The following NHSL1 variants were observed in gnomAD, a reference collection of about 807,000 sequenced individuals.
The protein encoded by NHSL1 is NHS-like protein 1.
In NHSL1, 48 loss-of-function variants were observed where a neutral mutation model predicts 95.0. That is an observed-to-expected ratio of 0.51 (90% confidence interval 0.40 to 0.64). NHSL1 has a LOEUF of 0.64. Ranked by LOEUF, NHSL1 falls within the 30% of genes least tolerant of loss-of-function variation. The probability of loss-of-function intolerance (pLI) is 0.00; values close to 1 mark genes in which losing one functional copy is unlikely to be tolerated. For missense variants in NHSL1, 1,971 were observed against 2,077.7 expected (o/e 0.95, Z 1.00); for synonymous variants, 783 against 833.9 (o/e 0.94, Z 1.05).
chr6:138,581,163 G>A lies in NHSL1; in HGVS notation c.97-84792C>T, dbSNP rs148903344. On this transcript the variant is annotated intron_variant, in intron 1 of 3. Coordinates refer to the NHSL1 transcript ENST00000491526. ...GTTTGTGGTGGTTTTTAGAGCAGCC[G>A]TAGGAAACTGATGCAGTGGAGTACC... Among the ~76,000 whole-genome samples the A allele has an allele frequency of 7.4e-4, 113 of 152,302 alleles. No homozygotes were observed. The East Asian group carries it at 0.015, about 20-fold the overall frequency.
chr6:138,428,245 G>A (rs1775392223), intron 7 of NHSL1, among the ~76,000 whole-genome samples: 1 of 152,134 alleles, frequency 6.6e-6, no homozygotes, highest in South Asian at 2.1e-4. Context: ...GCAACCCAGT[G>A]CATTCCATAC....
chr6:138,587,714 G>A (rs1159786154), intron 1 of NHSL1, among the ~76,000 whole-genome samples: 1 of 152,182 alleles, frequency 6.6e-6, no homozygotes, highest in Middle Eastern at 3.2e-3. Flanking sequence ...ATTTTAAAAT[G>A]TTTAAATGCA....
intron 1 of NHSL1, among the ~76,000 whole-genome samples, chr6:138,678,123 T>C (rs1469204903): frequency 1.3e-5 from 2 of 152,170 alleles, no homozygotes; most frequent in African/African-American, 4.8e-5. Context: ...AAATGCAGGC[T>C]TGAGGTGGCA....
intron 1 of NHSL1, among the ~76,000 whole-genome samples, chr6:138,685,438 T>C (rs1489352092): frequency 6.6e-6 from 1 of 152,146 alleles, no homozygotes; most frequent in Admixed American, 6.6e-5. Context: ...GCTATGAATG[T>C]ATTGTGGGCA....
intron 1 of NHSL1, among the ~76,000 whole-genome samples, chr6:138,557,356 G>A (rs1223520975): frequency 6.6e-6 from 1 of 152,032 alleles, no homozygotes; most frequent in East Asian, 1.9e-4. Flanking sequence ...TGTGGCTCGG[G>A]ATCTCATGCA....
intron 1 of NHSL1, among the ~76,000 whole-genome samples, chr6:138,666,253 A>G (rs759071026): frequency 2.0e-5 from 3 of 152,082 alleles, no homozygotes; most frequent in Non-Finnish European, 2.9e-5. Context: ...CAGTGAGCCA[A>G]GATTGTGCCA....
At chr6:138,447,284 T>A (rs1432683318) in intron 3 of NHSL1, 91 bp from the exon 4 acceptor site, 8 of 1,145,102 alleles carry the variant, frequency 7.0e-6, no homozygotes, top group Non-Finnish European at 9.7e-6. Flanking sequence ...AAAATTGGAC[T>A]GGTTTAAAAG....
At chr6:138,692,913 C>A (rs1170743284), upstream of NHSL1, among the ~76,000 whole-genome samples, 3 of 150,364 alleles carry the variant, frequency 2.0e-5, no homozygotes, top group African/African-American at 4.9e-5. The surrounding 1 kb of genome is among the most constrained non-coding windows in gnomAD (Gnocchi z 4.0). Flanking sequence ...AGAGGCCGGG[C>A]GGGCAGGAAG....
intron 1 of NHSL1, among the ~76,000 whole-genome samples, chr6:138,623,668 G>GTC (rs779908995): frequency 1.3e-5 from 2 of 152,066 alleles, no homozygotes; most frequent in Admixed American, 6.6e-5. Context: ...CATCTCCTCA[G>GTC]TCTCTCTCTT....
intron 1 of NHSL1, among the ~76,000 whole-genome samples, chr6:138,570,669 A>G (rs967394426): frequency 1.3e-5 from 2 of 152,268 alleles, no homozygotes; most frequent in African/African-American, 4.8e-5. Flanking sequence ...CCTGTGCGAC[A>G]TAATTACTAT....
chr6:138,585,850 C>T (rs113227144), intron 1 of NHSL1, among the ~76,000 whole-genome samples: 2 of 147,716 alleles, frequency 1.4e-5, no homozygotes, highest in Non-Finnish European at 3.0e-5. Flanking sequence ...AGCTCAAGAC[C>T]AGGGAAACAC....
chr6:138,678,926 T>C lies in NHSL1; in HGVS notation c.96+13550A>G, dbSNP rs534112899. 2.6e-5 allele frequency among the ~76,000 whole-genome samples: 4 copies of C among 152,320 alleles called. No individual in the cohort carries two copies. The South Asian group carries it at 8.3e-4, about 32-fold the overall frequency. Reference sequence around the variant, plus strand: ...ATTATGTGAAAAGTACTAACGGCACTCAAAGACATTTTTCCCACTTCATTT... The same window carrying C: ...ATTATGTGAAAAGTACTAACGGCACCCAAAGACATTTTTCCCACTTCATTT... On this transcript the variant is annotated intron_variant, in intron 1 of 3. Transcript: ENST00000491526.
At chr6:138,462,791 T>G (rs1005882705) in intron 3 of NHSL1, among the ~76,000 whole-genome samples, 1 of 152,202 alleles carries the variant, frequency 6.6e-6, no homozygotes, top group Non-Finnish European at 1.5e-5. Context: ...CAGGCTTTAG[T>G]GCAAAGCAGG....
intron 1 of NHSL1, among the ~76,000 whole-genome samples, chr6:138,582,384 GAT>G (rs1448651009): frequency 6.7e-6 from 1 of 148,294 alleles, no homozygotes; most frequent in African/African-American, 2.6e-5. Context: ...AAAAAAAAGA[GAT>G]GGGACCAAAA....
chr6:138,664,966 A>C (rs1156544060), intron 1 of NHSL1, among the ~76,000 whole-genome samples: 1 of 152,236 alleles, frequency 6.6e-6, no homozygotes, highest in Non-Finnish European at 1.5e-5. Flanking sequence ...AAATGAAAAA[A>C]AACTTGCTTC....
intron 1 of NHSL1, among the ~76,000 whole-genome samples, chr6:138,631,647 T>A (rs1449078803): frequency 1.3e-5 from 2 of 152,092 alleles, no homozygotes; most frequent in African/African-American, 2.4e-5. Context: ...AGGAAGGACC[T>A]ACTCCTGGCA....
At chr6:138,461,935 A>C (rs1164822709) in intron 3 of NHSL1, among the ~76,000 whole-genome samples, 1 of 152,228 alleles carries the variant, frequency 6.6e-6, no homozygotes, top group Non-Finnish European at 1.5e-5. Context: ...TATTCATCCC[A>C]CTGGAAAAAT....
intron 2 of NHSL1, among the ~76,000 whole-genome samples, chr6:138,479,500 C>T (rs905929600): frequency 1.3e-5 from 2 of 152,264 alleles, no homozygotes; most frequent in South Asian, 2.1e-4. Context: ...GTGTCTGCAG[C>T]GTGGATCCGA....
chr6:138,461,679 T>C (rs890065329), intron 3 of NHSL1, among the ~76,000 whole-genome samples: 1 of 152,006 alleles, frequency 6.6e-6, no homozygotes, highest in African/African-American at 2.4e-5. Flanking sequence ...TCAAAAGAGA[T>C]TGTGAAGAAA....
Sources: allele counts gnomAD v4.1 joint callset (sites outside exome capture counted in the v4.1 genomes callset), GRCh38; gene constraint gnomAD v4.1.1; non-coding constraint Gnocchi (gnomAD v3.1); transcripts MANE v1.5; gene names NCBI Gene and HGNC (gene_info 2026-07-23, HGNC 2026-07-21).